Variants in ARHGAP44 observed in about 807,000 individuals in gnomAD.
The protein encoded by ARHGAP44 is Rho GTPase activating protein 44.
A neutral mutation model predicts 106.8 loss-of-function variants in ARHGAP44; 43 were observed. That is an observed-to-expected ratio of 0.40 (90% CI 0.32 to 0.52). The LOEUF is 0.52. ARHGAP44 is among the 20% of genes least tolerant of loss of function. ARHGAP44 has a pLI of 0.48. For missense variants in ARHGAP44, 866 were observed against 1,050.5 expected, an observed-to-expected ratio of 0.82 and a Z score of 2.43; for synonymous variants, 439 against 410.3, an observed-to-expected ratio of 1.07 and a Z score of -0.85.
At position 12,908,912 on chromosome 17, in the gene ARHGAP44, A is replaced by T; in HGVS notation, c.214A>T (p.Thr72Ser). ...TTCTTTTCAGAAAAAGTTGCCTTTG[A>T]CAACACTGGCTCAGTGTCTGATGGA... ...ADKRSKKLPLTTLAQCLMEGS... is the reference protein window; with the variant it reads ...ADKRSKKLPLSTLAQCLMEGS... Residue 72 changes from threonine to serine, a missense_variant, in exon 4 of 21, where the codon ACA becomes TCA. Physicochemically the swap from Thr to Ser is moderately conservative, Grantham distance 58. This residue lies in a region of ARHGAP44 where 448 missense variants were observed against 646.9 expected (regional missense o/e 0.69). Transcript: ENST00000379672. The T allele has an allele frequency of 6.2e-7, 1 of 1,605,860 alleles. No homozygotes were observed. Among genetic ancestry groups the T allele is most frequent in the Non-Finnish European group, 8.5e-7 (1 of 1,177,680 alleles).
At chr17:12,860,284 T>A (rs891662360) in intron 1 of ARHGAP44, among the ~76,000 whole-genome samples, 1 of 152,236 alleles carries the variant, frequency 6.6e-6, no homozygotes, top group Admixed American at 6.5e-5. Context: ...ATTTATACTT[T>A]AAAGAATTCC....
At chr17:12,837,326 C>G (rs1000821409) in intron 1 of ARHGAP44, among the ~76,000 whole-genome samples, 1 of 152,120 alleles carries the variant, frequency 6.6e-6, no homozygotes, top group African/African-American at 2.4e-5. Context: ...ACCCCATTTA[C>G]CCTAATGTGA....
chr17:12,840,419 CA>C (rs2035356614), intron 1 of ARHGAP44, among the ~76,000 whole-genome samples: 1 of 152,208 alleles, frequency 6.6e-6, no homozygotes, highest in Admixed American at 6.5e-5. Context: ...TAGGGAGCCA[CA>C]GTCAAATAAG....
intron 1 of ARHGAP44, among the ~76,000 whole-genome samples, chr17:12,804,887 A>G (rs1455474571): frequency 2.0e-5 from 3 of 152,182 alleles, no homozygotes; most frequent in Non-Finnish European, 4.4e-5. Context: ...CTGTTTGTCA[A>G]ATTCATTCCT....
At chr17:12,988,835 T>C (rs2040022300) in intron 20 of ARHGAP44, 1 of 150,510 alleles carries the variant, frequency 6.6e-6, no homozygotes, top group Admixed American at 6.6e-5. Flanking sequence ...TCCCAAAACT[T>C]TGGGAGGCTG....
chr17:12,919,876 G>A, intron 6 of ARHGAP44, 45 bp downstream of exon 6: 2 of 1,547,320 alleles, frequency 1.3e-6, no homozygotes, highest in Middle Eastern at 1.7e-4. Flanking sequence ...AAGGGACAGT[G>A]ATCATATTTT....
At position 12,926,413 on chromosome 17, in the gene ARHGAP44, A is replaced by AT. The variant is rs1567690956; in HGVS notation, c.465-2516_465-2515insT. Among the ~76,000 whole-genome samples the AT allele has an allele frequency of 1.6e-4, 23 of 143,288 alleles. 1 individual carries two copies. The South Asian group carries it at 4.7e-3, about 29-fold the overall frequency. The allele number at this position is 143,288 out of a possible 152,430, so 94.0% of individuals were successfully genotyped here. A position where few individuals can be genotyped will look rare whatever the true frequency, so the allele number is the denominator to read the frequency against. ...TATATAATATATATTGTATATATAT[A>AT]ATATATATGTATATATAATATATAT... On this transcript the variant is annotated intron_variant, in intron 6 of 20. Coordinates refer to ENST00000379672, the MANE Select transcript of ARHGAP44 (RefSeq NM_014859.6).
chr17:12,857,232 G>A (rs760771415), intron 1 of ARHGAP44, among the ~76,000 whole-genome samples: 13 of 152,106 alleles, frequency 8.5e-5, no homozygotes, highest in East Asian at 7.7e-4. Flanking sequence ...TGAGGTCTGC[G>A]TTAGTTCATT....
At chr17:12,929,561 AG>A (rs1467526658) in intron 7 of ARHGAP44, among the ~76,000 whole-genome samples, 1 of 152,228 alleles carries the variant, frequency 6.6e-6, no homozygotes, top group Non-Finnish European at 1.5e-5. Context: ...GTTAAGAGAG[AG>A]GACATCGTTC....
intron 1 of ARHGAP44, among the ~76,000 whole-genome samples, chr17:12,845,887 T>C (rs1391832090): frequency 6.6e-6 from 1 of 152,220 alleles, no homozygotes; most frequent in Non-Finnish European, 1.5e-5. Flanking sequence ...ATACCTATTC[T>C]GGGTAAGCTA....
intron 1 of ARHGAP44, among the ~76,000 whole-genome samples, chr17:12,845,157 G>A (rs1053475346): frequency 1.3e-5 from 2 of 152,000 alleles, no homozygotes; most frequent in African/African-American, 4.8e-5. Flanking sequence ...ATGACCTAGT[G>A]TTCTGGTCTT....
chr17:12,973,414 C>G (rs767393561), intron 17 of ARHGAP44, 95 bp downstream of exon 17: 4 of 1,344,424 alleles, frequency 3.0e-6, no homozygotes, highest in Non-Finnish European at 4.1e-6. Context: ...GTGAATGCGC[C>G]GCGTCTGGTT....
intron 1 of ARHGAP44, among the ~76,000 whole-genome samples, chr17:12,892,235 GTTTC>G (rs754586102): frequency 6.6e-6 from 1 of 152,168 alleles, no homozygotes; most frequent in Non-Finnish European, 1.5e-5. Context: ...TAGGTTGACA[GTTTC>G]TTTCTTTCAA....
At chr17:12,980,304 T>C in intron 19 of ARHGAP44, 71 bp downstream of exon 19, 7 of 1,485,196 alleles carry the variant, frequency 4.7e-6, no homozygotes, top group Non-Finnish European at 6.3e-6. Flanking sequence ...AGGCTCGTTT[T>C]CCTCTATGAA....
chr17:12,829,821 T>G (rs1259283668), intron 1 of ARHGAP44, among the ~76,000 whole-genome samples: 1 of 152,204 alleles, frequency 6.6e-6, no homozygotes, highest in Non-Finnish European at 1.5e-5. Context: ...CCCACATTCA[T>G]GATCCAACCC....
intron 1 of ARHGAP44, among the ~76,000 whole-genome samples, chr17:12,864,264 T>C (rs1321031686): frequency 6.6e-6 from 1 of 152,134 alleles, no homozygotes; most frequent in African/African-American, 2.4e-5. Context: ...CTAAGCTTAG[T>C]TTTTCATTTG....
At position 12,952,572 on chromosome 17, in the gene ARHGAP44, A is replaced by G. The variant is rs754814174; in HGVS notation, c.1127A>G (p.Asn376Ser). ...ACEKLPKANH[N>S]NIRYLIKFLS... ...GAAAAGTTGCCCAAGGCCAATCACA[A>G]CAACATCCGGTAAGTGGATACTTAC... Residue 376 changes from asparagine (N) to serine (S), a missense_variant, in exon 13 of 21, where the codon AAC becomes AGC. Asn to Ser is a conservative substitution (Grantham distance 46). This residue lies in a region of ARHGAP44 where 448 missense variants were observed against 646.9 expected (regional missense o/e 0.69). Transcript: ENST00000379672. 34 of 1,569,406 alleles carry G rather than the reference A, an allele frequency of 2.2e-5. No homozygotes were observed. In the East Asian group the frequency reaches 7.3e-4, roughly 34 times the overall value.
intron 1 of ARHGAP44, chr17:12,790,865 T>C (rs1318420373): frequency 6.6e-6 from 1 of 152,256 alleles, no homozygotes; most frequent in African/African-American, 2.4e-5. Flanking sequence ...CCGTTGCTGC[T>C]GTGGCAAAGG....
chr17:12,989,328 A>AGTC (rs2040050197), intron 20 of ARHGAP44, among the ~76,000 whole-genome samples: 1 of 152,144 alleles, frequency 6.6e-6, no homozygotes. Context: ...CTCAGCTGCC[A>AGTC]GTCTAAGGAC....
Sources: allele counts gnomAD v4.1 joint callset (sites outside exome capture counted in the v4.1 genomes callset), GRCh38; gene constraint gnomAD v4.1.1; regional missense constraint gnomAD v4.1.1; transcripts MANE v1.5; gene names NCBI Gene and HGNC (gene_info 2026-07-23, HGNC 2026-07-21).